MYO9A: variants seen among roughly 807,000 people sequenced by gnomAD.
MYO9A encodes unconventional myosin-IXa.
In MYO9A, 103 loss-of-function variants were observed where a neutral mutation model predicts 293.3. That is an observed-to-expected ratio of 0.35 (90% CI 0.30 to 0.41). MYO9A has a LOEUF of 0.41. MYO9A is among the 10% of genes least tolerant of loss of function. MYO9A has a pLI of 1.00. For missense variants in MYO9A, 2,685 were observed against 3,033.0 expected (o/e 0.89, Z 2.69); for synonymous variants, 1,001 against 1,035.7 (o/e 0.97, Z 0.64).
chr15:71,932,046 C>G (rs563849943), intron 18 of MYO9A, among the ~76,000 whole-genome samples: 1 of 152,080 alleles, frequency 6.6e-6, no homozygotes, highest in South Asian at 2.1e-4. Context: ...TTTGTTGTCT[C>G]CAGGAAATTA....
intron 39 of MYO9A, among the ~76,000 whole-genome samples, chr15:71,842,781 A>G (rs968433255): frequency 6.6e-6 from 1 of 151,434 alleles, no homozygotes; most frequent in African/African-American, 2.4e-5. Context: ...AATGGCGTGA[A>G]CCCAGGAGGC....
intron 13 of MYO9A, among the ~76,000 whole-genome samples, chr15:71,966,729 TAA>T (rs920214006): frequency 6.6e-6 from 1 of 151,896 alleles, no homozygotes; most frequent in Non-Finnish European, 1.5e-5. Flanking sequence ...CACTTCAATT[TAA>T]AAAAAAGTGA....
intron 1 of MYO9A, among the ~76,000 whole-genome samples, chr15:72,103,456 AAGAAGAAGCAGC>A (rs2080453543): frequency 6.8e-6 from 1 of 146,198 alleles, no homozygotes; most frequent in Non-Finnish European, 1.5e-5. Context: ...GCAGCAGCAG[AAGAAGAAGCAGC>A]AGCAGAAGCA....
chr15:71,976,301 T>G (rs954822197), intron 12 of MYO9A, among the ~76,000 whole-genome samples: 5 of 152,198 alleles, frequency 3.3e-5, no homozygotes, highest in African/African-American at 9.6e-5. Flanking sequence ...TTTGAGAGTT[T>G]TTCTGTAACA....
intron 1 of MYO9A, among the ~76,000 whole-genome samples, chr15:72,105,023 G>A (rs940373531): frequency 6.6e-6 from 1 of 152,050 alleles, no homozygotes; most frequent in Non-Finnish European, 1.5e-5. Context: ...GCAGGAAACA[G>A]TGAAATAAAG....
chr15:71,919,959 G>A (rs367917662), intron 18 of MYO9A, among the ~76,000 whole-genome samples: 2 of 150,752 alleles, frequency 1.3e-5, no homozygotes, highest in South Asian at 2.1e-4. Context: ...ATCAACAAAT[G>A]TTCAGAGTCA....
chr15:71,867,001 G>A (rs1381298194), intron 32 of MYO9A, among the ~76,000 whole-genome samples: 6 of 152,042 alleles, frequency 3.9e-5, no homozygotes, highest in Non-Finnish European at 8.8e-5. Context: ...AAGCTGTGGT[G>A]AGCCGAGATT....
At chr15:71,941,027 T>C (rs1441770121) in intron 15 of MYO9A, among the ~76,000 whole-genome samples, 1 of 152,192 alleles carries the variant, frequency 6.6e-6, no homozygotes, top group Non-Finnish European at 1.5e-5. Context: ...ACATCAATTA[T>C]TAAGTATTTT....
intron 39 of MYO9A, among the ~76,000 whole-genome samples, chr15:71,846,025 G>C (rs951532892): frequency 6.6e-6 from 1 of 152,182 alleles, no homozygotes; most frequent in Non-Finnish European, 1.5e-5. Context: ...TAAATTTCAA[G>C]CTTTCAAACA....
chr15:71,874,271 T>C (rs775414450), intron 32 of MYO9A, among the ~76,000 whole-genome samples: 12 of 152,236 alleles, frequency 7.9e-5, no homozygotes, highest in Non-Finnish European at 1.8e-4. Context: ...AGGTAGATGA[T>C]AAATATTCTA....
At chr15:71,878,648 A>G (rs551973043) in intron 30 of MYO9A, among the ~76,000 whole-genome samples, 1 of 150,854 alleles carries the variant, frequency 6.6e-6, no homozygotes, top group East Asian at 1.9e-4. Context: ...TAACCAATTT[A>G]TTTTTCCAAA....
intron 1 of MYO9A, among the ~76,000 whole-genome samples, chr15:72,103,504 GGCAGCAGAA>G (rs569186462): frequency 0.013 from 1,862 of 145,604 alleles, 28 homozygotes; most frequent in African/African-American, 0.021. Flanking sequence ...CAGAAGCAGT[GGCAGCAGAA>G]GCAGCAGAAG....
At position 71,897,476 on chromosome 15, in the gene MYO9A, T is replaced by G. The variant is rs377541947; in HGVS notation, c.5027A>C (p.Asn1676Thr). Residue 1676 changes from asparagine (N) to threonine (T), a missense_variant, in exon 25 of 42, where the codon AAT (asparagine) becomes ACT (threonine). Physicochemically the swap from Asn to Thr is moderately conservative, Grantham distance 65 (BLOSUM62 0). Coordinates refer to ENST00000356056, the MANE Select transcript of MYO9A (RefSeq NM_006901.4). ...TTTCACTTACAGGGGAATACTCATATTGTCCTTTGGAGTGAAGAAAATGGG... is the reference window on the plus strand; with the variant it reads ...TTTCACTTACAGGGGAATACTCATAGTGTCCTTTGGAGTGAAGAAAATGGG... ...ARPIFFTPKDNMSIPLVSKEA... is the reference protein window; with the variant it reads ...ARPIFFTPKDTMSIPLVSKEA... The G allele has an allele frequency of 6.2e-6, 10 of 1,610,396 alleles. No individual in the cohort carries two copies. The highest frequency in any genetic ancestry group is 8.5e-6 in the Non-Finnish European group (10 of 1,177,890).
chr15:71,916,341 T>A, intron 19 of MYO9A, 29 bp downstream of exon 19: 1 of 1,600,380 alleles, frequency 6.2e-7, no homozygotes, highest in Non-Finnish European at 8.5e-7. Context: ...TACAGATTCT[T>A]ATTTGTTTTA....
chr15:71,963,526 G>A (rs933341316), intron 13 of MYO9A, among the ~76,000 whole-genome samples: 7 of 152,024 alleles, frequency 4.6e-5, no homozygotes, highest in East Asian at 1.9e-4. Context: ...TTGGCTCACC[G>A]CAACCTCCAC....
At chr15:72,042,809 C>G (rs1400134438) in intron 2 of MYO9A, among the ~76,000 whole-genome samples, 1 of 151,956 alleles carries the variant, frequency 6.6e-6, no homozygotes, top group African/African-American at 2.4e-5. Flanking sequence ...TGCCTGTTAT[C>G]CCAGCACTTT....
At chr15:71,836,277 A>ATATATATATATATATATAT (rs1567181551) in intron 39 of MYO9A, among the ~76,000 whole-genome samples, 3 of 152,186 alleles carry the variant, frequency 2.0e-5, no homozygotes, top group African/African-American at 7.2e-5. Flanking sequence ...ATATATACAC[A>ATATATATATATATATATAT]CACATTATAC....
At chr15:71,998,847 C>A (rs1008733752) in intron 9 of MYO9A, among the ~76,000 whole-genome samples, 1 of 151,914 alleles carries the variant, frequency 6.6e-6, no homozygotes, top group African/African-American at 2.4e-5. Context: ...TTTGTCCTTG[C>A]GATAGTTTAC....
chr15:72,059,903 T>C (rs2078830312), intron 1 of MYO9A, among the ~76,000 whole-genome samples: 1 of 152,234 alleles, frequency 6.6e-6, no homozygotes, highest in African/African-American at 2.4e-5. Flanking sequence ...AGCCACCTTT[T>C]ATAGGCACCC....
Sources: gnomAD v4.1 joint callset for allele counts (sites outside exome capture counted in the v4.1 genomes callset) on GRCh38, gnomAD v4.1.1 for gene constraint, MANE v1.5 for transcripts, NCBI Gene and HGNC (gene_info 2026-07-23, HGNC 2026-07-21) for gene names.